Variants in LNX1 observed in about 807,000 individuals in gnomAD.
The protein encoded by LNX1 is E3 ubiquitin-protein ligase LNX.
In LNX1, 54 loss-of-function variants were observed where a neutral mutation model predicts 68.4. That is an observed-to-expected ratio of 0.79 (90% CI 0.63 to 0.99). The LOEUF (loss-of-function observed/expected upper bound fraction) is 0.99. Ranked by LOEUF, LNX1 falls within the 50% of genes least tolerant of loss-of-function variation. The pLI is 0.00. For synonymous variants in LNX1, 336 were observed against 350.0 expected (o/e 0.96, Z 0.45); for missense variants, 906 against 926.4 (o/e 0.98, Z 0.29).
chr4:53,526,133 A>G (rs1229719838), intron 2 of LNX1, among the ~76,000 whole-genome samples: 1 of 152,162 alleles, frequency 6.6e-6, no homozygotes, highest in African/African-American at 2.4e-5. Context: ...AAAAGATAAC[A>G]TACGCCACGT....
intron 2 of LNX1, among the ~76,000 whole-genome samples, chr4:53,527,534 C>A (rs1340761904): frequency 6.6e-6 from 1 of 152,216 alleles, no homozygotes; most frequent in African/African-American, 2.4e-5. Flanking sequence ...CTTGGCTCCA[C>A]TGGTTCTGGA....
chr4:53,491,791 A>G (rs1724691165), intron 6 of LNX1, among the ~76,000 whole-genome samples: 1 of 73,566 alleles, frequency 1.4e-5, no homozygotes, highest in African/African-American at 3.6e-5. Flanking sequence ...AGGATACGAT[A>G]CTTTTTTTTG....
At chr4:53,572,786 GGT>G (rs141776180) in intron 2 of LNX1, among the ~76,000 whole-genome samples, 2 of 151,190 alleles carry the variant, frequency 1.3e-5, no homozygotes, top group African/African-American at 4.8e-5. Context: ...CACCAGTGTG[GGT>G]GTGTGTGTGT....
intron 2 of LNX1, among the ~76,000 whole-genome samples, chr4:53,559,332 G>A (rs1442298673): frequency 2.0e-5 from 3 of 152,184 alleles, no homozygotes; most frequent in Non-Finnish European, 2.9e-5. Flanking sequence ...ATTTTGTTGA[G>A]GTCCAAATTG....
upstream of LNX1, among the ~76,000 whole-genome samples, chr4:53,620,275 CAATTTTGCATTATAT>C (rs778136362): frequency 4.6e-5 from 7 of 152,150 alleles, no homozygotes; most frequent in African/African-American, 1.4e-4. Context: ...TCACAGGTTA[CAATTTTGCATTATAT>C]AATTTTGCAT....
At chr4:53,476,474 C>A (rs1171638828) in intron 9 of LNX1, among the ~76,000 whole-genome samples, 2 of 152,176 alleles carry the variant, frequency 1.3e-5, no homozygotes, top group Non-Finnish European at 1.5e-5. Flanking sequence ...CTCTCTGCTG[C>A]ATGAACAACC....
At chr4:53,486,546 G>T (rs773932552) in intron 6 of LNX1, among the ~76,000 whole-genome samples, 4 of 152,182 alleles carry the variant, frequency 2.6e-5, no homozygotes, top group Non-Finnish European at 5.9e-5. Flanking sequence ...TGAGGACATG[G>T]TTCCTGCCCT....
At position 53,508,074 on chromosome 4, in the gene LNX1, GC is replaced by G; in HGVS notation, c.533del (p.Gly178AlafsTer2). 6.2e-7 allele frequency: 1 copy of G among 1,614,178 alleles called. No individual in the cohort carries two copies. Among genetic ancestry groups the G allele is most frequent in the Non-Finnish European group, 8.5e-7 (1 of 1,180,020 alleles). On this transcript the variant is annotated frameshift_variant, in exon 3 of 11. Transcript: ENST00000263925. LOFTEE classifies it high-confidence loss of function. ...ATISLMTDEP[G>X]LDNPAYVSSA... is the part of the protein sequence containing the mutation. ...AGGACACGTAGGCAGGGTTGTCTAG[GC>G]CAGGCTCGTCTGTCATTAAGGAGAT...
chr4:53,475,153 T>G (rs936391841), intron 9 of LNX1, among the ~76,000 whole-genome samples: 4 of 152,234 alleles, frequency 2.6e-5, no homozygotes, highest in African/African-American at 9.6e-5. Context: ...TTCGCTTGGT[T>G]GTATTTGGAG....
intron 7 of LNX1, 22 bp from the exon 8 acceptor site, chr4:53,478,764 C>T (rs1201821142): frequency 6.2e-7 from 1 of 1,601,308 alleles, no homozygotes; most frequent in East Asian, 2.2e-5. Flanking sequence ...GATGGAAAAA[C>T]ATGGCACATG....
intron 2 of LNX1, among the ~76,000 whole-genome samples, chr4:53,528,243 C>A (rs4864785): frequency 6.6e-6 from 1 of 152,120 alleles, no homozygotes. Context: ...CATAGTCCTC[C>A]CTTATCCATA....
intron 2 of LNX1, among the ~76,000 whole-genome samples, chr4:53,524,521 A>C (rs926336442): frequency 6.6e-6 from 1 of 152,244 alleles, no homozygotes; most frequent in African/African-American, 2.4e-5. Flanking sequence ...GAAGGCCCAG[A>C]TGATTTTTCT....
At chr4:53,550,165 G>C (rs1389645236) in intron 2 of LNX1, among the ~76,000 whole-genome samples, 3 of 152,230 alleles carry the variant, frequency 2.0e-5, no homozygotes, top group African/African-American at 7.2e-5. Flanking sequence ...CAATGTAAAT[G>C]AATGAGGGCC....
chr4:53,493,477 G>A (rs1724843538), intron 6 of LNX1, among the ~76,000 whole-genome samples: 2 of 152,304 alleles, frequency 1.3e-5, no homozygotes, highest in African/African-American at 4.8e-5. Context: ...TGTACCCTCT[G>A]CCTCAGGCTG....
In LNX1 at chr4:53,610,600, C is replaced by T. The variant is rs552615912; in HGVS notation, c.-215+5917G>A. Among the ~76,000 whole-genome samples the T allele has an allele frequency of 2.0e-5, 3 of 151,052 alleles. No individual in the cohort carries two copies. The South Asian group carries it at 6.3e-4, about 32-fold the overall frequency. ...GTGGGCACCTGTAGTCCCAGCTGCTCGCGAGGCTGAGGCAGGAGAATGGCG... is the reference window on the plus strand; with the variant it reads ...GTGGGCACCTGTAGTCCCAGCTGCTTGCGAGGCTGAGGCAGGAGAATGGCG... On this transcript the variant is annotated intron_variant, in intron 2 of 3. Transcript: ENST00000504299.
At chr4:53,551,171 A>G (rs529949512) in intron 2 of LNX1, among the ~76,000 whole-genome samples, 2 of 152,264 alleles carry the variant, frequency 1.3e-5, no homozygotes, top group Non-Finnish European at 2.9e-5. Flanking sequence ...AAGGGCATAC[A>G]TAAGGCTGCC....
chr4:53,558,839 C>G (rs188992746), intron 2 of LNX1, among the ~76,000 whole-genome samples: 85 of 152,252 alleles, frequency 5.6e-4, no homozygotes, highest in Non-Finnish European at 8.8e-4. Flanking sequence ...TGAAATGGAG[C>G]TAATTATGCC....
intron 1 of LNX1, among the ~76,000 whole-genome samples, chr4:53,633,799 A>C (rs916338152): frequency 6.6e-6 from 1 of 152,126 alleles, no homozygotes; most frequent in Non-Finnish European, 1.5e-5. Flanking sequence ...CTAAGATGAG[A>C]GTTTACAGCC....
chr4:53,474,269 G>T (rs530276239), intron 9 of LNX1, among the ~76,000 whole-genome samples: 2 of 152,148 alleles, frequency 1.3e-5, no homozygotes, highest in Non-Finnish European at 2.9e-5. Context: ...CATTGTGTTT[G>T]TGTGTATGTG....
Sources: allele counts gnomAD v4.1 joint callset (sites outside exome capture counted in the v4.1 genomes callset), GRCh38; gene constraint gnomAD v4.1.1; transcripts MANE v1.5; gene names NCBI Gene and HGNC (gene_info 2026-07-23, HGNC 2026-07-21).